Variants in CLDN16 observed in about 807,000 individuals in gnomAD.
The protein encoded by CLDN16 is claudin 16, also known as claudin-16.
CLDN16 carries 13 observed loss-of-function variants against 24.6 expected under a neutral mutation model. That is an observed-to-expected ratio of 0.53 (90% CI 0.34 to 0.84). The LOEUF (loss-of-function observed/expected upper bound fraction) is 0.84. Among genes scored for constraint, CLDN16 ranks in the 40% least tolerant of loss-of-function variants. The pLI is 0.01. For synonymous variants in CLDN16, 116 were observed against 106.7 expected (o/e 1.09, Z -0.54); for missense variants, 298 against 292.7 (o/e 1.02, Z -0.13).
rs35220103 is a variant in CLDN16, at chr3:190,392,059, C to CTTTTTTTTTTTTTTTTTTTTTTT, written c.114+3633_114+3634insTTTTTTTTTTTTTTTTTTTTTTT. 4.6e-4 allele frequency among the ~76,000 whole-genome samples: 58 copies of CTTTTTTTTTTTTTTTTTTTTTTT among 126,074 alleles called. 4 individuals carry two copies. Among genetic ancestry groups the CTTTTTTTTTTTTTTTTTTTTTTT allele is most frequent in the Non-Finnish European group, 7.4e-4 (44 of 59,294 alleles). The allele number at this position is 126,074 out of a possible 152,430, so 82.7% of individuals were successfully genotyped here. A position where few individuals can be genotyped will look rare whatever the true frequency, so the allele number is the denominator to read the frequency against. On this transcript the variant is annotated intron_variant, in intron 1 of 4. Coordinates refer to ENST00000264734, the MANE Select transcript of CLDN16 (RefSeq NM_006580.4). ...AGTTGTTTCTAAGGTCCTTTTCAGT[C>CTTTTTTTTTTTTTTTTTTTTTTT]TTTTTTTTTTTTTTTTTAACATCAT... is the stretch of plus-strand genomic sequence containing the variant.
intron 1 of CLDN16, among the ~76,000 whole-genome samples, chr3:190,342,827 TTAAACA>T (rs1411936030): frequency 2.0e-5 from 3 of 152,074 alleles, no homozygotes; most frequent in Admixed American, 1.3e-4. Flanking sequence ...GATTAAAGAC[TTAAACA>T]TAAGAAATGA....
At chr3:190,383,598 A>G (rs916375488), upstream of CLDN16, among the ~76,000 whole-genome samples, 2 of 152,120 alleles carry the variant, frequency 1.3e-5, no homozygotes, top group African/African-American at 2.4e-5. Flanking sequence ...TACCTGAAAC[A>G]TTACCTGAAA....
intron 1 of CLDN16, among the ~76,000 whole-genome samples, chr3:190,363,210 T>A (rs1717937575): frequency 6.6e-6 from 1 of 151,790 alleles, no homozygotes. Context: ...TCTTTTTGAC[T>A]GTTCAATTTG....
chr3:190,365,715 T>A (rs1317672968), intron 1 of CLDN16, among the ~76,000 whole-genome samples: 1 of 151,500 alleles, frequency 6.6e-6, no homozygotes, highest in Non-Finnish European at 1.5e-5. Flanking sequence ...CCATTAGAAC[T>A]CTTAGGGTCC....
intron 1 of CLDN16, among the ~76,000 whole-genome samples, chr3:190,337,361 T>C (rs1717334464): frequency 6.6e-6 from 1 of 152,132 alleles, no homozygotes; most frequent in Non-Finnish European, 1.5e-5. Flanking sequence ...GGGCAGAAAC[T>C]AAGAAGAACT....
intron 3 of CLDN16, among the ~76,000 whole-genome samples, chr3:190,407,618 C>T (rs1381162867): frequency 6.6e-6 from 1 of 152,166 alleles, no homozygotes; most frequent in East Asian, 1.9e-4. Flanking sequence ...CTAGTGGCGT[C>T]ATTTCAAACC....
intron 3 of CLDN16, among the ~76,000 whole-genome samples, chr3:190,378,646 A>G (rs745690970): frequency 2.6e-5 from 4 of 152,166 alleles, no homozygotes; most frequent in Middle Eastern, 3.4e-3. Context: ...TTGATGAGTA[A>G]GGGTTTGGAC....
chr3:190,383,873 A>C (rs1180695696), upstream of CLDN16, among the ~76,000 whole-genome samples: 1 of 152,220 alleles, frequency 6.6e-6, no homozygotes, highest in African/African-American at 2.4e-5. Flanking sequence ...AAACTTATAA[A>C]AATCATACTA....
chr3:190,314,265 G>A, the CLDN16 span, among the ~76,000 whole-genome samples: 1 of 152,136 alleles, frequency 6.6e-6, no homozygotes, highest in Non-Finnish European at 1.5e-5. Flanking sequence ...TGTTAATATT[G>A]TCAAGATTGA....
chr3:190,341,356 C>G (rs1175269311), intron 1 of CLDN16, among the ~76,000 whole-genome samples: 1 of 152,216 alleles, frequency 6.6e-6, no homozygotes, highest in Non-Finnish European at 1.5e-5. Context: ...AATCCCAAGT[C>G]TTGACTTCTG....
intron 1 of CLDN16, among the ~76,000 whole-genome samples, chr3:190,393,166 G>T (rs1410916360): frequency 6.6e-6 from 1 of 152,162 alleles, no homozygotes; most frequent in Non-Finnish European, 1.5e-5. Flanking sequence ...CTGCCTTTCT[G>T]ATCTGGGGCA....
chr3:190,321,513 A>G (rs1159203297), upstream of CLDN16, among the ~76,000 whole-genome samples: 3 of 152,248 alleles, frequency 2.0e-5, no homozygotes, highest in African/African-American at 7.2e-5. Context: ...AAATCATATT[A>G]AAGGTTAAAA....
At chr3:190,324,142 T>A (rs1245062721) in intron 1 of CLDN16, among the ~76,000 whole-genome samples, 1 of 152,236 alleles carries the variant, frequency 6.6e-6, no homozygotes, top group African/African-American at 2.4e-5. Flanking sequence ...TTCTTCTTTT[T>A]TTTGTTCCAA....
At chr3:190,366,032 A>C (rs1190293040) in intron 1 of CLDN16, among the ~76,000 whole-genome samples, 1 of 151,916 alleles carries the variant, frequency 6.6e-6, no homozygotes, top group Non-Finnish European at 1.5e-5. Flanking sequence ...CAAGTTTGTA[A>C]GTACATCAGC....
At chr3:190,388,146 T>C (rs1718552273), upstream of CLDN16, 2 of 1,613,990 alleles carry the variant, frequency 1.2e-6, no homozygotes, top group Non-Finnish European at 1.7e-6. Flanking sequence ...CACTGTTGGT[T>C]ACAGCCTGTT....
chr3:190,297,433 A>G, the CLDN16 span, among the ~76,000 whole-genome samples: 2 of 146,642 alleles, frequency 1.4e-5, no homozygotes, highest in South Asian at 4.2e-4. Context: ...TATATAATTT[A>G]CATACATATG....
intron 1 of CLDN16, among the ~76,000 whole-genome samples, chr3:190,323,172 A>G (rs954403549): frequency 2.0e-5 from 3 of 152,184 alleles, no homozygotes; most frequent in African/African-American, 7.2e-5. Flanking sequence ...ACTGCAGGCT[A>G]GCAGCCCTTC....
Position 190,349,057 on chromosome 3 carries a change from A to G in CLDN16, n.122-21836A>G, listed in dbSNP as rs529817781. Among the ~76,000 whole-genome samples the G allele has an allele frequency of 5.3e-5, 8 of 152,308 alleles. No homozygotes were observed. In the South Asian group the frequency reaches 8.3e-4, roughly 16 times the overall value. On this transcript the variant is annotated intron_variant and non_coding_transcript_variant, in intron 1 of 4. Coordinates refer to the CLDN16 transcript ENST00000468220. The stretch of plus-strand genomic sequence containing the variant: ...TATATGTACCACATTTTCTTTATCC[A>G]GTCTGTCATTGATGGGCATTAAGGT...
chr3:190,351,041 G>T (rs1250277930), intron 1 of CLDN16, among the ~76,000 whole-genome samples: 1 of 152,044 alleles, frequency 6.6e-6, no homozygotes, highest in East Asian at 1.9e-4. Context: ...TGAATGGCTT[G>T]GTGCTCTCCT....
Sources: gnomAD v4.1 joint callset for allele counts (sites outside exome capture counted in the v4.1 genomes callset) on GRCh38, gnomAD v4.1.1 for gene constraint, MANE v1.5 for transcripts, NCBI Gene and HGNC (gene_info 2026-07-23, HGNC 2026-07-21) for gene names.